The following CADM1 variants were observed in gnomAD, a reference collection of about 807,000 sequenced individuals.
The protein encoded by CADM1 is TSLC-1.
CADM1 carries 15 observed loss-of-function variants against 53.1 expected under a neutral mutation model. The observed-to-expected ratio is 0.28, with a 90% confidence interval of 0.19 to 0.44. CADM1 has a LOEUF of 0.44. Ranked by LOEUF, CADM1 falls within the 20% of genes least tolerant of loss-of-function variation. The pLI is 1.00. For synonymous variants in CADM1, 281 were observed against 243.0 expected (o/e 1.16, Z -1.45); for missense variants, 434 against 611.3 (o/e 0.71, Z 3.06).
At position 115,176,330 on chromosome 11, in the gene CADM1, C is replaced by A; in HGVS notation, c.*144G>T. ...AAAGAACATTTTTTTTTTTTTTACACAGCAAATCCCAAGCCTTCCCAGTCT... is the reference window on the plus strand; with the variant it reads ...AAAGAACATTTTTTTTTTTTTTACAAAGCAAATCCCAAGCCTTCCCAGTCT... On this transcript the variant is annotated 3_prime_UTR_variant, in exon 12 of 12. Transcript: ENST00000331581. 4.6e-6 allele frequency: 7 copies of A among 1,517,736 alleles called. No individual in the cohort carries two copies. Among genetic ancestry groups the A allele is most frequent in the Non-Finnish European group, 3.5e-6 (4 of 1,129,156 alleles). The allele number at this position is 1,517,736 out of a possible 1,614,324, so 94.0% of individuals were successfully genotyped here.
intron 1 of CADM1, among the ~76,000 whole-genome samples, chr11:115,296,996 T>C (rs1829415960): frequency 1.3e-5 from 2 of 152,236 alleles, no homozygotes; most frequent in Non-Finnish European, 2.9e-5. Flanking sequence ...AATCAGTGTT[T>C]AGCAGATTGC....
intron 1 of CADM1, among the ~76,000 whole-genome samples, chr11:115,295,316 T>C (rs1944021541): frequency 6.6e-6 from 1 of 151,352 alleles, no homozygotes; most frequent in South Asian, 2.1e-4. Flanking sequence ...TAAGTTACTT[T>C]CACTCCCTCA....
chr11:115,282,187 A>G (rs993541082), intron 1 of CADM1, among the ~76,000 whole-genome samples: 4 of 152,202 alleles, frequency 2.6e-5, no homozygotes, highest in African/African-American at 9.6e-5. Flanking sequence ...TCTTTTTGCT[A>G]TCGTCACAGT....
At chr11:115,435,725 C>T (rs541196789) in intron 1 of CADM1, among the ~76,000 whole-genome samples, 3 of 152,002 alleles carry the variant, frequency 2.0e-5, no homozygotes, top group South Asian at 2.1e-4. Flanking sequence ...AGTGAGACTC[C>T]GTCTCAAAAA....
chr11:115,179,774 C>G (rs1201418162), intron 10 of CADM1, among the ~76,000 whole-genome samples: 1 of 152,064 alleles, frequency 6.6e-6, no homozygotes, highest in Middle Eastern at 3.2e-3. Context: ...GATTTACTAG[C>G]TGTACCTTAC....
At chr11:115,222,482 C>T (rs1339009622) in intron 5 of CADM1, among the ~76,000 whole-genome samples, 1 of 152,160 alleles carries the variant, frequency 6.6e-6, no homozygotes, top group African/African-American at 2.4e-5. Flanking sequence ...TTAAAGAGAA[C>T]ATCTTGCAAA....
At chr11:115,269,917 T>C (rs1317671507) in intron 1 of CADM1, among the ~76,000 whole-genome samples, 2 of 152,192 alleles carry the variant, frequency 1.3e-5, no homozygotes, top group African/African-American at 2.4e-5. Flanking sequence ...AGGAAGAAAG[T>C]TGACTGCACC....
intron 1 of CADM1, among the ~76,000 whole-genome samples, chr11:115,389,895 T>C (rs145303840): frequency 1.8e-3 from 269 of 152,308 alleles, no homozygotes; most frequent in African/African-American, 6.0e-3. Flanking sequence ...CAGGAACACC[T>C]GTTATGTAAG....
chr11:115,258,826 G>A (rs998120060), intron 1 of CADM1, among the ~76,000 whole-genome samples: 3 of 152,068 alleles, frequency 2.0e-5, no homozygotes, highest in African/African-American at 7.2e-5. Flanking sequence ...TTTCAAATAG[G>A]AAGAGTCCTA....
chr11:115,312,780 T>C (rs1399928503), intron 1 of CADM1, among the ~76,000 whole-genome samples: 2 of 152,206 alleles, frequency 1.3e-5, no homozygotes, highest in South Asian at 4.1e-4. Context: ...ATATATTGCA[T>C]AGCAAGAACT....
intron 1 of CADM1, among the ~76,000 whole-genome samples, chr11:115,447,327 T>A (rs72997953): frequency 6.6e-6 from 1 of 152,178 alleles, no homozygotes; most frequent in Non-Finnish European, 1.5e-5. Context: ...TTAATCTCTG[T>A]AAGCTTAAAG....
At chr11:115,449,328 G>T (rs1948520625) in intron 1 of CADM1, among the ~76,000 whole-genome samples, 1 of 152,190 alleles carries the variant, frequency 6.6e-6, no homozygotes, top group African/African-American at 2.4e-5. Flanking sequence ...AATAATGATT[G>T]TGCTTGGTAT....
At chr11:115,210,687 G>A (rs1036343586) in intron 7 of CADM1, among the ~76,000 whole-genome samples, 31 of 152,246 alleles carry the variant, frequency 2.0e-4, no homozygotes, top group Non-Finnish European at 2.8e-4. Flanking sequence ...TGACACATCT[G>A]GTGTCCTTTT....
chr11:115,299,992 T>G (rs150521750), intron 1 of CADM1, among the ~76,000 whole-genome samples: 1 of 152,172 alleles, frequency 6.6e-6, no homozygotes. Context: ...AATCTTTCCA[T>G]AAAAGCATCC....
intron 1 of CADM1, chr11:115,445,966 G>A (rs532590158): frequency 4.5e-6 from 1 of 219,994 alleles, no homozygotes; most frequent in Non-Finnish European, 9.3e-6. Flanking sequence ...TACATAAAAA[G>A]TATTTACTTT....
intron 1 of CADM1, among the ~76,000 whole-genome samples, chr11:115,261,706 T>G (rs1180687102): frequency 6.6e-6 from 1 of 152,232 alleles, no homozygotes; most frequent in African/African-American, 2.4e-5. Flanking sequence ...AAAAGACTTT[T>G]GTAAAAATAT....
Position 115,175,609 on chromosome 11 carries a change from T to C in CADM1, c.*865A>G. 2 of 985,626 alleles carry C rather than the reference T, an allele frequency of 2.0e-6. No individual in the cohort carries two copies. The highest frequency in any genetic ancestry group is 2.4e-6 in the Non-Finnish European group (2 of 830,018). 61.1% of individuals were successfully genotyped at this position (985,626 alleles called of 1,614,324 possible). A position where few individuals can be genotyped will look rare whatever the true frequency, so the allele number is the denominator to read the frequency against. On this transcript the variant is annotated 3_prime_UTR_variant, in exon 12 of 12. Transcript: ENST00000331581. ...ACAGACCTCACCTGTCAGGTCTGTT[T>C]AGGGCATGGAAAAAGGAGGAGTCCT...
chr11:115,174,726 A>G lies in CADM1; in HGVS notation c.*1748T>C. On this transcript the variant is annotated 3_prime_UTR_variant, in exon 12 of 12. Coordinates refer to ENST00000331581, the MANE Select transcript of CADM1 (RefSeq NM_001301043.2). ...TTGCAAAATCCAAAATTACTCACTG[A>G]AAATGTAATAGAATATATATTTATA... The G allele has an allele frequency of 2.2e-6, 2 of 899,332 alleles. No homozygotes were observed. The highest frequency in any genetic ancestry group is 2.7e-6 in the Non-Finnish European group (2 of 751,128). 55.7% of individuals were successfully genotyped at this position (899,332 alleles called of 1,614,324 possible).
At chr11:115,326,529 AT>A (rs1438322293) in intron 1 of CADM1, among the ~76,000 whole-genome samples, 1 of 152,190 alleles carries the variant, frequency 6.6e-6, no homozygotes, top group East Asian at 1.9e-4. Context: ...CTCAAACCTT[AT>A]AAATATTAAT....
Sources: allele counts gnomAD v4.1 joint callset (sites outside exome capture counted in the v4.1 genomes callset), GRCh38; gene constraint gnomAD v4.1.1; transcripts MANE v1.5; gene names NCBI Gene and HGNC (gene_info 2026-07-23, HGNC 2026-07-21).